SLC35D1: variants seen among roughly 807,000 people sequenced by gnomAD.
SLC35D1 encodes the protein nucleotide sugar transporter SLC35D1.
Under a neutral mutation model 46.7 loss-of-function variants are expected in SLC35D1, and 31 were observed. The ratio of observed to expected loss-of-function variants is 0.66; its 90% confidence interval spans 0.50 to 0.90. SLC35D1 has a LOEUF of 0.90. Among genes scored for constraint, SLC35D1 ranks in the 40% least tolerant of loss-of-function variants. The pLI, the probability that SLC35D1 is intolerant of heterozygous loss-of-function variation, is 0.00. For missense variants in SLC35D1, 397 were observed against 426.2 expected (o/e 0.93, Z 0.60); for synonymous variants, 195 against 164.6 (o/e 1.18, Z -1.41).
chr1:67,022,523 T>C (rs1198659942), intron 8 of SLC35D1, among the ~76,000 whole-genome samples: 2 of 152,198 alleles, frequency 1.3e-5, no homozygotes, highest in Non-Finnish European at 2.9e-5. Flanking sequence ...CCTGATCAAG[T>C]ACTCCTTCCT....
At chr1:67,051,970 T>C (rs969890107) in intron 4 of SLC35D1, 42 bp downstream of exon 4, 1 of 1,265,404 alleles carries the variant, frequency 7.9e-7, no homozygotes, top group African/African-American at 1.5e-5. Context: ...ATTTTAAGAA[T>C]ACATTATATT....
chr1:67,036,796 CTGT>C (rs1668133769), intron 8 of SLC35D1, among the ~76,000 whole-genome samples: 1 of 150,632 alleles, frequency 6.6e-6, no homozygotes, highest in Non-Finnish European at 1.5e-5. Flanking sequence ...AATATTATTA[CTGT>C]TAAGTAAGGA....
intron 8 of SLC35D1, among the ~76,000 whole-genome samples, chr1:67,036,299 C>G (rs897400253): frequency 6.6e-6 from 1 of 152,098 alleles, no homozygotes; most frequent in African/African-American, 2.4e-5. Context: ...CCAGCTATTA[C>G]TGTATTGGGA....
chr1:67,024,800 G>A (rs918034196), intron 8 of SLC35D1, among the ~76,000 whole-genome samples: 4 of 152,010 alleles, frequency 2.6e-5, no homozygotes, highest in Non-Finnish European at 5.9e-5. Context: ...CTGGAGTACA[G>A]TGGCGTGATC....
chr1:67,043,771 AAC>A (rs1645221076), intron 7 of SLC35D1, among the ~76,000 whole-genome samples: 1 of 152,208 alleles, frequency 6.6e-6, no homozygotes, highest in Non-Finnish European at 1.5e-5. Context: ...AACAAAGGAT[AAC>A]ACACATCTTC....
chr1:67,046,991 T>C (rs1645258423), intron 7 of SLC35D1, among the ~76,000 whole-genome samples: 1 of 152,170 alleles, frequency 6.6e-6, no homozygotes, highest in Non-Finnish European at 1.5e-5. Flanking sequence ...CATGAACATT[T>C]AAAGACACTG....
At chr1:67,052,143 A>C in intron 3 of SLC35D1, 64 bp from the exon 4 acceptor site, 1 of 1,144,628 alleles carries the variant, frequency 8.7e-7, no homozygotes, top group Non-Finnish European at 1.3e-6. Context: ...AGGTCCTTTC[A>C]AACAGAAACA....
the SLC35D1 span, among the ~76,000 whole-genome samples, chr1:66,978,195 C>A: frequency 1.6e-5 from 2 of 127,302 alleles, no homozygotes; most frequent in African/African-American, 5.6e-5. Flanking sequence ...AACTCCATCT[C>A]CAAAAAAAAA....
intron 8 of SLC35D1, among the ~76,000 whole-genome samples, chr1:67,024,244 C>A (rs2102291365): frequency 6.6e-6 from 1 of 152,282 alleles, no homozygotes; most frequent in African/African-American, 2.4e-5. Flanking sequence ...CCATGCCCAG[C>A]CTCACCTTGC....
chr1:67,051,479 G>A (rs1645307878), intron 4 of SLC35D1, among the ~76,000 whole-genome samples: 1 of 152,194 alleles, frequency 6.6e-6, no homozygotes, highest in African/African-American at 2.4e-5. Context: ...GAGAGCTATT[G>A]CTTCTTTCTG....
the SLC35D1 span, among the ~76,000 whole-genome samples, chr1:66,982,309 AGTGCACTGTTT>A: frequency 3.5e-3 from 538 of 152,272 alleles, 2 homozygotes; most frequent in African/African-American, 0.012. Flanking sequence ...TAAGGTAACA[AGTGCACTGTTT>A]TGAATATTTA....
intron 8 of SLC35D1, among the ~76,000 whole-genome samples, chr1:67,034,883 T>C (rs997471228): frequency 2.6e-5 from 4 of 152,198 alleles, no homozygotes; most frequent in African/African-American, 9.6e-5. Flanking sequence ...GGATTTTGAA[T>C]TTTATCAAAT....
chr1:67,013,250 CT>C (rs2102253242), intron 10 of SLC35D1, among the ~76,000 whole-genome samples: 2 of 144,566 alleles, frequency 1.4e-5, no homozygotes, highest in Non-Finnish European at 3.0e-5. Flanking sequence ...ATTTTACTTC[CT>C]TTCTTAGAAA....
intron 7 of SLC35D1, 87 bp downstream of exon 7, chr1:67,047,178 G>A: frequency 2.0e-6 from 2 of 1,024,890 alleles, no homozygotes. Context: ...TCCCCAGTAA[G>A]AACTTTCTTT....
the SLC35D1 span, among the ~76,000 whole-genome samples, chr1:66,977,604 TA>T: frequency 2.0e-5 from 3 of 152,194 alleles, no homozygotes; most frequent in Non-Finnish European, 4.4e-5. Context: ...ATTCCCATGT[TA>T]AGAGAATTTA....
At position 67,052,047 on chromosome 1, in the gene SLC35D1, G is replaced by T. The variant is rs1406533150; in HGVS notation, c.357C>A (p.Asn119Lys). ...TTGTGCTGAACAGTCCCGTGATTTG[G>T]TTCCCAAAATATAGTAGAGGTAGTG... The part of the protein sequence containing the change: ...TFPLPLLYFG[N>K]QITGLFSTKK... The change falls in exon 4 of 12, where the codon AAC (asparagine) becomes AAA (lysine). Residue 119 changes from asparagine to lysine, a missense_variant. Coordinates refer to ENST00000235345, the MANE Select transcript of SLC35D1 (RefSeq NM_015139.3). 1.2e-6 allele frequency: 2 copies of T among 1,610,572 alleles called. No homozygotes were observed. Among genetic ancestry groups the T allele is most frequent in the Non-Finnish European group, 1.7e-6 (2 of 1,177,078 alleles).
intron 5 of SLC35D1, 102 bp from the exon 6 acceptor site, chr1:67,049,952 A>C: frequency 1.2e-6 from 1 of 846,096 alleles, no homozygotes; most frequent in Non-Finnish European, 1.9e-6. Flanking sequence ...AGCTATAAAC[A>C]ATCGTATTTT....
the SLC35D1 span, among the ~76,000 whole-genome samples, chr1:66,992,345 C>G: frequency 1.3e-5 from 2 of 152,178 alleles, no homozygotes; most frequent in Non-Finnish European, 2.9e-5. Context: ...CAGGTGCACT[C>G]TAACCTGTAT....
chr1:67,020,700 G>A (rs1419427272), intron 9 of SLC35D1, among the ~76,000 whole-genome samples: 1 of 152,070 alleles, frequency 6.6e-6, no homozygotes, highest in Non-Finnish European at 1.5e-5. Flanking sequence ...TTACAATCAT[G>A]ACTATTTTTA....
Sources: allele counts gnomAD v4.1 joint callset (sites outside exome capture counted in the v4.1 genomes callset), GRCh38; gene constraint gnomAD v4.1.1; transcripts MANE v1.5; gene names NCBI Gene and HGNC (gene_info 2026-07-23, HGNC 2026-07-21).